Variants in SLC7A9 observed in about 807,000 individuals in gnomAD.
SLC7A9 encodes solute carrier family 7 member 9.
SLC7A9 carries 38 observed loss-of-function variants against 54.1 expected under a neutral mutation model. That is an observed-to-expected ratio of 0.70 (90% CI 0.54 to 0.92). SLC7A9 has a LOEUF of 0.92. Ranked by LOEUF, SLC7A9 falls within the 40% of genes least tolerant of loss-of-function variation. The probability of loss-of-function intolerance (pLI) is 0.00; values close to 1 mark genes in which losing one functional copy is unlikely to be tolerated. For missense variants in SLC7A9, 537 were observed against 636.1 expected (o/e 0.84, Z 1.68); for synonymous variants, 264 against 258.9 (o/e 1.02, Z -0.19).
chr19:32,860,237 C>CT (rs1433752472), intron 7 of SLC7A9: 3 of 1,419,580 alleles, frequency 2.1e-6, no homozygotes, highest in East Asian at 2.7e-5. Context: ...AAACCAAACT[C>CT]TAAGCGTGCA....
chr19:32,863,119 T>C (rs1038434365), intron 4 of SLC7A9: 2 of 151,960 alleles, frequency 1.3e-5, no homozygotes, highest in African/African-American at 4.9e-5. Context: ...TTTTTATCTA[T>C]TTATTTATTT....
At chr19:32,866,252 G>A (rs1040660077) in intron 2 of SLC7A9, among the ~76,000 whole-genome samples, 9 of 152,140 alleles carry the variant, frequency 5.9e-5, no homozygotes, top group African/African-American at 1.9e-4. Flanking sequence ...GGGCCAGGGC[G>A]CACTTCCAGG....
At chr19:32,849,128 G>C (rs1968386783) in intron 9 of SLC7A9, among the ~76,000 whole-genome samples, 1 of 152,066 alleles carries the variant, frequency 6.6e-6, no homozygotes, top group South Asian at 2.1e-4. Flanking sequence ...AAAAGAACTA[G>C]AAAAGCAAGA....
At chr19:32,843,777 G>A in intron 10 of SLC7A9, 78 bp downstream of exon 10, 2 of 1,055,354 alleles carry the variant, frequency 1.9e-6, no homozygotes, top group Non-Finnish European at 3.0e-6. Context: ...TGGGTCATTT[G>A]GAAGCCGCCG....
intron 1 of SLC7A9, among the ~76,000 whole-genome samples, chr19:32,869,042 T>C (rs1166542051): frequency 1.4e-5 from 2 of 140,810 alleles, no homozygotes; most frequent in Non-Finnish European, 3.0e-5. Flanking sequence ...ACCCCGTCTC[T>C]ACTAAAAATG....
intron 9 of SLC7A9, among the ~76,000 whole-genome samples, chr19:32,851,106 AGGCAT>A (rs1411706346): frequency 6.6e-6 from 1 of 152,236 alleles, no homozygotes; most frequent in Non-Finnish European, 1.5e-5. Context: ...TTCAGGACAT[AGGCAT>A]GGGCAAGGAC....
chr19:32,849,329 TA>T (rs1297426445), intron 9 of SLC7A9, among the ~76,000 whole-genome samples: 30 of 151,940 alleles, frequency 2.0e-4, no homozygotes, highest in East Asian at 1.4e-3. Flanking sequence ...ATAGACACAA[TA>T]AAAAATGATA....
At chr19:32,864,522 CA>C in intron 3 of SLC7A9, 106 bp downstream of exon 3, 1 of 1,540,078 alleles carries the variant, frequency 6.5e-7, no homozygotes, top group Non-Finnish European at 8.9e-7. Flanking sequence ...GTTTGCCATA[CA>C]TGTGCCAAGA....
rs1599660725 is a variant in SLC7A9 at position 32,843,881 on chromosome 19, T to G, written c.1048A>C (p.Thr350Pro). The change falls in exon 10 of 13, where the codon ACT (threonine) becomes CCT (proline). Residue 350 changes from threonine to proline, a missense_variant. Coordinates refer to ENST00000023064, the MANE Select transcript of SLC7A9 (RefSeq NM_014270.5). ...VLSYISVRRL[T>P]PAPAIIFYGI... ...TAAAAGATGATGGCGGGGGCTGGAGTGAGGCGCCTGACGCTGATGTAAGAA... is the reference window on the plus strand; with the variant it reads ...TAAAAGATGATGGCGGGGGCTGGAGGGAGGCGCCTGACGCTGATGTAAGAA... 6.2e-7 allele frequency: 1 copy of G among 1,613,314 alleles called. No individual in the cohort carries two copies. The highest frequency in any genetic ancestry group is 1.3e-5 in the African/African-American group (1 of 74,846).
chr19:32,863,486 C>T (rs1483484545), intron 4 of SLC7A9, among the ~76,000 whole-genome samples: 3 of 151,912 alleles, frequency 2.0e-5, no homozygotes, highest in South Asian at 2.1e-4. Context: ...CAGCCTCCCA[C>T]GTAGCTGGGA....
At chr19:32,847,823 C>G (rs532234984) in intron 9 of SLC7A9, among the ~76,000 whole-genome samples, 2 of 152,294 alleles carry the variant, frequency 1.3e-5, no homozygotes, top group East Asian at 3.9e-4. Flanking sequence ...GCCGGTCAGA[C>G]TAACAGCGGA....
rs372599148 is a variant in SLC7A9 at position 32,846,342 on chromosome 19, C to A, written c.978-2391G>T. Among the ~76,000 whole-genome samples the A allele has an allele frequency of 3.2e-3, 489 of 152,336 alleles. 3 individuals are homozygous for A. The highest frequency in any genetic ancestry group is 0.014 in the South Asian group (66 of 4,824). ...CCTAATACTGCGCTTTTCCAACGGGCTTAAAAAACGGTGCACCAGGAGATT... is the reference window on the plus strand; with the variant it reads ...CCTAATACTGCGCTTTTCCAACGGGATTAAAAAACGGTGCACCAGGAGATT... On this transcript the variant is annotated intron_variant, in intron 9 of 12. Coordinates refer to ENST00000023064, the MANE Select transcript of SLC7A9 (RefSeq NM_014270.5).
intron 11 of SLC7A9, among the ~76,000 whole-genome samples, chr19:32,838,861 CATAT>C (rs1968048377): frequency 6.7e-6 from 1 of 149,422 alleles, no homozygotes; most frequent in Admixed American, 6.7e-5. Context: ...ATATAGTACA[CATAT>C]ATGTATATAT....
At chr19:32,838,179 G>A (rs561506324) in intron 11 of SLC7A9, among the ~76,000 whole-genome samples, 149 of 152,224 alleles carry the variant, frequency 9.8e-4, no homozygotes, top group Middle Eastern at 3.4e-3. Flanking sequence ...AAAATAAAAG[G>A]CCGCTTAATA....
At chr19:32,861,005 T>G (rs1217629944) in intron 6 of SLC7A9, among the ~76,000 whole-genome samples, 1 of 152,174 alleles carries the variant, frequency 6.6e-6, no homozygotes, top group Non-Finnish European at 1.5e-5. Context: ...AGAAGGACCA[T>G]CGTTGCAGAT....
intron 3 of SLC7A9, 55 bp downstream of exon 3, chr19:32,864,574 C>A (rs904688979): frequency 6.2e-7 from 1 of 1,606,416 alleles, no homozygotes. Context: ...GTAGCAGCTG[C>A]CTGGCGTGCC....
chr19:32,867,508 C>A (rs1267484917), intron 2 of SLC7A9, among the ~76,000 whole-genome samples: 4 of 151,680 alleles, frequency 2.6e-5, no homozygotes, highest in Admixed American at 1.3e-4. Context: ...CAGAGTAAGA[C>A]CCTGACTCTA....
chr19:32,850,579 A>G (rs560222389), intron 9 of SLC7A9, among the ~76,000 whole-genome samples: 1,551 of 151,980 alleles, frequency 0.01, 27 homozygotes, highest in African/African-American at 0.036. Flanking sequence ...GGAAGAATCA[A>G]TATTGTGAAA....
intron 11 of SLC7A9, among the ~76,000 whole-genome samples, chr19:32,838,527 CTA>C (rs1014457736): frequency 1.4e-5 from 2 of 140,244 alleles, no homozygotes; most frequent in Non-Finnish European, 3.2e-5. Context: ...ATATTTAATG[CTA>C]TATATATTTG....
Sources: allele counts gnomAD v4.1 joint callset (sites outside exome capture counted in the v4.1 genomes callset), GRCh38; gene constraint gnomAD v4.1.1; transcripts MANE v1.5; gene names NCBI Gene and HGNC (gene_info 2026-07-23, HGNC 2026-07-21).